The following ARHGAP24 variants were observed in gnomAD, a reference collection of about 807,000 sequenced individuals.
ARHGAP24 encodes rho GTPase-activating protein 24.
In ARHGAP24, 50 loss-of-function variants were observed where a neutral mutation model predicts 76.4. The ratio of observed to expected loss-of-function variants is 0.65; its 90% CI spans 0.52 to 0.83. The LOEUF is 0.83. Ranked by LOEUF, ARHGAP24 falls within the 40% of genes least tolerant of loss-of-function variation. The pLI, the probability that ARHGAP24 is intolerant of heterozygous loss-of-function variation, is 0.00. For synonymous variants in ARHGAP24, 345 were observed against 323.3 expected (o/e 1.07, Z -0.72); for missense variants, 930 against 914.2 (o/e 1.02, Z -0.22).
chr4:85,535,757 T>C (rs1725444557), intron 1 of ARHGAP24, among the ~76,000 whole-genome samples: 1 of 152,202 alleles, frequency 6.6e-6, no homozygotes, highest in South Asian at 2.1e-4. Flanking sequence ...TGTCTATGAA[T>C]ATGTCTCCCC....
intron 3 of ARHGAP24, among the ~76,000 whole-genome samples, chr4:85,738,399 T>TATTATTATC (rs1264496655): frequency 1.4e-5 from 2 of 143,642 alleles, no homozygotes; most frequent in African/African-American, 5.4e-5. Context: ...TTATTATTAT[T>TATTATTATC]ATTATCATTA....
At chr4:85,945,093 G>A (rs554969672) in intron 5 of ARHGAP24, among the ~76,000 whole-genome samples, 1 of 152,174 alleles carries the variant, frequency 6.6e-6, no homozygotes, top group African/African-American at 2.4e-5. Flanking sequence ...TGATCCACCC[G>A]ACTCAGCCTC....
intron 2 of ARHGAP24, among the ~76,000 whole-genome samples, chr4:85,605,058 C>A (rs1720147140): frequency 6.6e-6 from 1 of 152,068 alleles, no homozygotes; most frequent in Non-Finnish European, 1.5e-5. Context: ...TTTACATATA[C>A]ACACAAATAA....
chr4:85,652,427 G>A (rs185051179), intron 2 of ARHGAP24, among the ~76,000 whole-genome samples: 144 of 152,302 alleles, frequency 9.5e-4, no homozygotes, highest in Admixed American at 1.6e-3. Flanking sequence ...CATCATTAGA[G>A]TATAAGTTAG....
intron 2 of ARHGAP24, among the ~76,000 whole-genome samples, chr4:85,616,266 C>CA (rs1396848243): frequency 6.6e-6 from 1 of 152,074 alleles, no homozygotes; most frequent in Non-Finnish European, 1.5e-5. Context: ...CTGGAATTTC[C>CA]AATTAGTTGA....
intron 3 of ARHGAP24, among the ~76,000 whole-genome samples, chr4:85,731,001 C>T (rs921598613): frequency 4.8e-4 from 61 of 127,834 alleles, no homozygotes; most frequent in African/African-American, 1.7e-3. Flanking sequence ...CACACACACA[C>T]ACACACACAC....
At chr4:85,992,751 A>C (rs941826004) in intron 8 of ARHGAP24, among the ~76,000 whole-genome samples, 1 of 152,202 alleles carries the variant, frequency 6.6e-6, no homozygotes, top group African/African-American at 2.4e-5. Context: ...ATATGATGAC[A>C]AATTCGGAGA....
chr4:85,688,881 T>C (rs1723527227), intron 2 of ARHGAP24, among the ~76,000 whole-genome samples: 1 of 152,204 alleles, frequency 6.6e-6, no homozygotes, highest in African/African-American at 2.4e-5. Flanking sequence ...TATTTCTGAG[T>C]GTTCTATGCT....
chr4:85,904,794 T>G (rs1462688713), intron 3 of ARHGAP24, among the ~76,000 whole-genome samples: 2 of 152,210 alleles, frequency 1.3e-5, no homozygotes, highest in African/African-American at 4.8e-5. Context: ...TTTCAGTTAT[T>G]TAGGTGGCAA....
chr4:85,846,777 TAC>T (rs946345923), intron 3 of ARHGAP24, among the ~76,000 whole-genome samples: 1 of 152,342 alleles, frequency 6.6e-6, no homozygotes, highest in Middle Eastern at 3.4e-3. Flanking sequence ...GAAACAGACT[TAC>T]ACAGTTTGCT....
intron 2 of ARHGAP24, among the ~76,000 whole-genome samples, chr4:85,653,054 C>A (rs1030002831): frequency 6.6e-6 from 1 of 152,098 alleles, no homozygotes; most frequent in African/African-American, 2.4e-5. Flanking sequence ...AAAATGCTTT[C>A]TTTTCTTAGA....
At chr4:85,595,498 T>C (rs78769849) in intron 2 of ARHGAP24, among the ~76,000 whole-genome samples, 404 of 152,230 alleles carry the variant, frequency 2.7e-3, no homozygotes, top group African/African-American at 9.0e-3. Flanking sequence ...TGAACTTCAG[T>C]GTGTAGCATT....
intron 3 of ARHGAP24, among the ~76,000 whole-genome samples, chr4:85,832,937 T>G (rs1335144491): frequency 6.6e-6 from 1 of 152,100 alleles, no homozygotes; most frequent in Non-Finnish European, 1.5e-5. Context: ...GAGGTGGGCC[T>G]TTCTCTGTAC....
chr4:85,800,055 T>C (rs1487070176), intron 3 of ARHGAP24, among the ~76,000 whole-genome samples: 1 of 152,176 alleles, frequency 6.6e-6, no homozygotes, highest in Non-Finnish European at 1.5e-5. Flanking sequence ...TCCAGGAACA[T>C]GACAAGTAAA....
At chr4:85,575,506 G>A (rs765732040) in intron 2 of ARHGAP24, among the ~76,000 whole-genome samples, 2 of 152,010 alleles carry the variant, frequency 1.3e-5, no homozygotes, top group South Asian at 2.1e-4. Flanking sequence ...CTCCTACGCC[G>A]CACACCCCAA....
At chr4:85,909,934 C>T (rs959895978) in intron 3 of ARHGAP24, among the ~76,000 whole-genome samples, 2 of 152,204 alleles carry the variant, frequency 1.3e-5, no homozygotes, top group African/African-American at 2.4e-5. Context: ...CTTTTTCCTC[C>T]TACTTGGCCT....
chr4:85,500,248 T>A (rs993528985), intron 1 of ARHGAP24, among the ~76,000 whole-genome samples: 4 of 152,234 alleles, frequency 2.6e-5, no homozygotes, highest in Non-Finnish European at 5.9e-5. Context: ...ATTATATTCC[T>A]ATGGGACAGT....
At chr4:85,836,436 C>A (rs66681569) in intron 3 of ARHGAP24, among the ~76,000 whole-genome samples, 13,886 of 152,184 alleles carry the variant, frequency 0.091, 1,005 homozygotes, top group East Asian at 0.29. Context: ...CTTTCTCCTA[C>A]CTTCTGATAG....
chr4:85,518,341 G>T (rs1316727920), intron 1 of ARHGAP24, among the ~76,000 whole-genome samples: 1 of 147,754 alleles, frequency 6.8e-6, no homozygotes, highest in African/African-American at 2.7e-5. Flanking sequence ...AAAATTATTT[G>T]TTATTTCTTT....
Sources: gnomAD v4.1 joint callset for allele counts (sites outside exome capture counted in the v4.1 genomes callset) on GRCh38, gnomAD v4.1.1 for gene constraint, MANE v1.5 for transcripts, NCBI Gene and HGNC (gene_info 2026-07-23, HGNC 2026-07-21) for gene names.